CCDC141: variants seen among roughly 807,000 people sequenced by gnomAD.
The protein encoded by CCDC141 is coiled-coil domain containing 141, also known as coiled-coil domain-containing protein 141.
Under a neutral mutation model 181.0 loss-of-function variants are expected in CCDC141, and 168 were observed. The observed-to-expected ratio is 0.93, with a 90% CI of 0.82 to 1.05. The LOEUF is 1.05. CCDC141 is among the 50% of genes least tolerant of loss of function. The probability of loss-of-function intolerance (pLI) is 0.00; values close to 1 mark genes in which losing one functional copy is unlikely to be tolerated. For synonymous variants in CCDC141, 666 were observed against 642.3 expected, an observed-to-expected ratio of 1.04 and a Z score of -0.56; for missense variants, 1,902 against 1,788.5, an observed-to-expected ratio of 1.06 and a Z score of -1.14.
chr2:178,934,111 AC>A (rs1689197584), intron 6 of CCDC141, among the ~76,000 whole-genome samples: 1 of 151,194 alleles, frequency 6.6e-6, no homozygotes, highest in South Asian at 2.1e-4. Context: ...TTTTTTCAAC[AC>A]CCCCCAGGTG....
At chr2:178,914,010 A>G (rs962846974) in intron 7 of CCDC141, among the ~76,000 whole-genome samples, 9 of 152,218 alleles carry the variant, frequency 5.9e-5, no homozygotes, top group African/African-American at 2.2e-4. Flanking sequence ...TTCAAACTAC[A>G]TTCCCTTAAC....
At chr2:178,851,397 G>A (rs1293993195) in intron 20 of CCDC141, among the ~76,000 whole-genome samples, 3 of 152,068 alleles carry the variant, frequency 2.0e-5, no homozygotes, top group South Asian at 2.1e-4. Context: ...ACGTCAGAAT[G>A]TAACTGTATT....
rs529357799 is a variant in CCDC141, at chr2:178,909,708, C to T, written c.1093-4207G>A. On this transcript the variant is annotated intron_variant, in intron 7 of 23. Coordinates refer to ENST00000443758, the MANE Select transcript of CCDC141 (RefSeq NM_173648.4). Reference sequence around the variant, plus strand: ...TGAGTGCTTTTCTATTTACCATACCCATAAAGAACCTGATATATCGGACCC... The same window carrying T: ...TGAGTGCTTTTCTATTTACCATACCTATAAAGAACCTGATATATCGGACCC... Among the ~76,000 whole-genome samples, 47 of 152,166 alleles carry T rather than the reference C, an allele frequency of 3.1e-4. 1 individual carries two copies. The highest frequency in any genetic ancestry group is 4.4e-5 in the Non-Finnish European group (3 of 68,030).
At chr2:179,029,793 C>T (rs2042952903) in intron 2 of CCDC141, among the ~76,000 whole-genome samples, 1 of 152,050 alleles carries the variant, frequency 6.6e-6, no homozygotes, top group Admixed American at 6.6e-5. Flanking sequence ...GTTTGATATC[C>T]CTGTGCTTAA....
intron 17 of CCDC141, among the ~76,000 whole-genome samples, chr2:178,859,635 T>TA (rs1283609959): frequency 6.6e-6 from 1 of 152,218 alleles, no homozygotes; most frequent in African/African-American, 2.4e-5. Flanking sequence ...TGAATAATTT[T>TA]ATTTTCCCAT....
At position 178,856,298 on chromosome 2, in the gene CCDC141, A is replaced by G; in HGVS notation, c.2824T>C (p.Tyr942His). 6.2e-7 allele frequency: 1 copy of G among 1,610,656 alleles called. No homozygotes were observed. Among genetic ancestry groups the G allele is most frequent in the Non-Finnish European group, 8.5e-7 (1 of 1,178,644 alleles). The stretch of plus-strand genomic sequence containing the variant: ...TACATATCAACTTGCTGAATTTGAT[A>G]TTTAAGCGCCTTCAGATTCCGAGAT... Reference protein sequence around the residue: ...EKSRNLKALKYQIQQVDMYAE... With the variant: ...EKSRNLKALKHQIQQVDMYAE... The change falls in exon 18 of 24, where the codon TAT (tyrosine) becomes CAT (histidine). Residue 942 changes from tyrosine (Y) to histidine (H), a missense_variant. Coordinates refer to ENST00000443758, the MANE Select transcript of CCDC141 (RefSeq NM_173648.4).
chr2:178,929,181 C>A (rs766484584), intron 6 of CCDC141, among the ~76,000 whole-genome samples: 1 of 152,136 alleles, frequency 6.6e-6, no homozygotes, highest in Non-Finnish European at 1.5e-5. Context: ...ATAAAACAGA[C>A]TCTCTTTCAT....
chr2:179,015,745 T>TATATATCTCATATATCTC (rs2042504946), intron 2 of CCDC141, among the ~76,000 whole-genome samples: 3 of 63,700 alleles, frequency 4.7e-5, no homozygotes, highest in African/African-American at 1.1e-4. Flanking sequence ...ATATATATCT[T>TATATATCTCATATATCTC]ATATATATCT....
At chr2:178,912,516 C>A (rs749662954) in intron 7 of CCDC141, among the ~76,000 whole-genome samples, 1 of 152,100 alleles carries the variant, frequency 6.6e-6, no homozygotes, top group Non-Finnish European at 1.5e-5. Flanking sequence ...CCATATTTAT[C>A]AAATACTTGC....
chr2:178,860,974 T>C (rs1435011667), intron 17 of CCDC141, among the ~76,000 whole-genome samples: 2 of 152,250 alleles, frequency 1.3e-5, no homozygotes, highest in South Asian at 2.1e-4. Flanking sequence ...ATTTTGCAGA[T>C]GTTAAACACC....
At chr2:178,862,100 G>A (rs549476033) in intron 17 of CCDC141, among the ~76,000 whole-genome samples, 143 of 152,174 alleles carry the variant, frequency 9.4e-4, no homozygotes, top group African/African-American at 3.3e-3. Flanking sequence ...GCTACTAATC[G>A]ACTTGTATCC....
chr2:179,007,674 T>C (rs746841335), intron 2 of CCDC141, among the ~76,000 whole-genome samples: 2 of 152,210 alleles, frequency 1.3e-5, no homozygotes, highest in Non-Finnish European at 2.9e-5. Context: ...ATAAGGGTCT[T>C]GGTTTTGACA....
chr2:179,030,614 T>A (rs1196284112), intron 2 of CCDC141, among the ~76,000 whole-genome samples: 2 of 152,094 alleles, frequency 1.3e-5, no homozygotes, highest in Non-Finnish European at 2.9e-5. Flanking sequence ...TATATTTTCA[T>A]TTCATTGTTG....
intron 8 of CCDC141, among the ~76,000 whole-genome samples, chr2:178,903,346 T>G (rs1687797246): frequency 6.6e-6 from 1 of 151,936 alleles, no homozygotes; most frequent in Non-Finnish European, 1.5e-5. Flanking sequence ...AGCAAAGACT[T>G]GGAACCAACT....
chr2:178,943,205 C>T (rs1689591689), intron 6 of CCDC141, among the ~76,000 whole-genome samples: 1 of 152,086 alleles, frequency 6.6e-6, no homozygotes, highest in African/African-American at 2.4e-5. Context: ...GAGTTTGATA[C>T]AAACAGAATA....
intron 5 of CCDC141, among the ~76,000 whole-genome samples, chr2:178,949,463 C>T (rs1160336955): frequency 6.6e-6 from 1 of 152,052 alleles, no homozygotes; most frequent in East Asian, 1.9e-4. Flanking sequence ...GACAGAAATG[C>T]CAGTGTCAGA....
chr2:179,012,600 CCCTAATTCA>C (rs1188234271), intron 2 of CCDC141, among the ~76,000 whole-genome samples: 189 of 152,162 alleles, frequency 1.2e-3, no homozygotes, highest in African/African-American at 4.4e-3. Flanking sequence ...AAGGAACCCT[CCCTAATTCA>C]TTCTATGAAG....
Position 178,868,131 on chromosome 2 carries a change from C to G in CCDC141, c.2469G>C (p.Val823=). Residue 823 remains valine (V), a synonymous_variant, in exon 16 of 24, where the codon GTG becomes GTC. Coordinates refer to ENST00000443758, the MANE Select transcript of CCDC141 (RefSeq NM_173648.4). ...QPKELGDAHD[V]QIHLRCSQEK... ...CCTGAGAGCACCGGAGGTGAATCTG[C>G]ACATCATGGGCATCACCCAGTTCCT... The G allele has an allele frequency of 6.2e-7, 1 of 1,614,048 alleles. No individual in the cohort carries two copies. Among genetic ancestry groups the G allele is most frequent in the South Asian group, 1.1e-5 (1 of 91,086 alleles).
intron 2 of CCDC141, among the ~76,000 whole-genome samples, chr2:178,980,105 TA>T (rs899639207): frequency 5.9e-5 from 9 of 152,048 alleles, no homozygotes; most frequent in Non-Finnish European, 1.2e-4. Flanking sequence ...TTTGATTAAT[TA>T]AAAACCCAAT....
Sources: gnomAD v4.1 joint callset for allele counts (sites outside exome capture counted in the v4.1 genomes callset) on GRCh38, gnomAD v4.1.1 for gene constraint, MANE v1.5 for transcripts, NCBI Gene and HGNC (gene_info 2026-07-23, HGNC 2026-07-21) for gene names.